Variants in RBFOX1 observed in about 807,000 individuals in gnomAD.
The protein encoded by RBFOX1 is RNA binding protein fox-1 homolog 1.
RBFOX1 carries 8 observed loss-of-function variants against 57.7 expected under a neutral mutation model. The ratio of observed to expected loss-of-function variants is 0.14; its 90% confidence interval spans 0.08 to 0.25. RBFOX1 has a LOEUF of 0.25. Among genes scored for constraint, RBFOX1 ranks in the 10% least tolerant of loss-of-function variants. The probability of loss-of-function intolerance (pLI) is 1.00; values close to 1 mark genes in which losing one functional copy is unlikely to be tolerated. For synonymous variants in RBFOX1, 326 were observed against 222.4 expected (o/e 1.47, Z -4.15); for missense variants, 611 against 548.5 (o/e 1.11, Z -1.14).
At chr16:5,275,111 T>C (rs544444043) in intron 1 of RBFOX1, among the ~76,000 whole-genome samples, 23 of 152,360 alleles carry the variant, frequency 1.5e-4, no homozygotes, top group African/African-American at 5.1e-4. Context: ...CATGTGACAA[T>C]ATCCAGAGAC....
At chr16:5,636,059 A>G (rs1217136545) in intron 3 of RBFOX1, among the ~76,000 whole-genome samples, 1 of 152,150 alleles carries the variant, frequency 6.6e-6, no homozygotes, top group Non-Finnish European at 1.5e-5. Flanking sequence ...AAAAAGAGAA[A>G]AAAAAAAGGC....
chr16:7,287,835 G>A (rs112678764), intron 4 of RBFOX1, among the ~76,000 whole-genome samples: 121 of 152,198 alleles, frequency 8.0e-4, no homozygotes, highest in African/African-American at 2.4e-3. Flanking sequence ...CAATAATTAT[G>A]GATTTGCATA....
Position 7,146,839 on chromosome 16 carries a change from A to C in RBFOX1, c.27+94741A>C, listed in dbSNP as rs551525062. ...GTGGCACATGCCTGTAGTCCCAGCT[A>C]CTTGGGAGGTGGAGGTGGGAGGATC... On this transcript the variant is annotated intron_variant, in intron 4 of 15. Coordinates refer to ENST00000550418, the MANE Select transcript of RBFOX1 (RefSeq NM_018723.4). 2.0e-5 allele frequency among the ~76,000 whole-genome samples: 3 copies of C among 150,224 alleles called. No individual in the cohort carries two copies. The South Asian group carries it at 6.5e-4, about 32-fold the overall frequency.
At chr16:5,690,437 C>T (rs1364670661) in intron 3 of RBFOX1, among the ~76,000 whole-genome samples, 1 of 152,130 alleles carries the variant, frequency 6.6e-6, no homozygotes. Context: ...ACAGGATAGC[C>T]ACTACCTTCC....
At chr16:5,335,311 C>T (rs2064868009) in intron 1 of RBFOX1, among the ~76,000 whole-genome samples, 1 of 152,072 alleles carries the variant, frequency 6.6e-6, no homozygotes, top group African/African-American at 2.4e-5. Flanking sequence ...TTGGATGGAG[C>T]CTGAGGCTTG....
chr16:6,115,494 G>A (rs963236583), intron 1 of RBFOX1, among the ~76,000 whole-genome samples: 5 of 152,170 alleles, frequency 3.3e-5, no homozygotes, highest in Non-Finnish European at 4.4e-5. Context: ...ATATTGGCTG[G>A]CCCAAGGGGT....
intron 3 of RBFOX1, among the ~76,000 whole-genome samples, chr16:6,808,458 C>T (rs1176107880): frequency 3.3e-5 from 5 of 151,964 alleles, no homozygotes; most frequent in African/African-American, 1.2e-4. Flanking sequence ...AGGATCTCAC[C>T]CCTTGCTTCC....
intron 4 of RBFOX1, among the ~76,000 whole-genome samples, chr16:7,190,253 G>C (rs1437455595): frequency 6.6e-6 from 1 of 152,120 alleles, no homozygotes; most frequent in Non-Finnish European, 1.5e-5. Flanking sequence ...CAGCGACTCG[G>C]GAGGCTGAGG....
chr16:5,408,149 T>C (rs1431946511), intron 1 of RBFOX1, among the ~76,000 whole-genome samples: 1 of 152,186 alleles, frequency 6.6e-6, no homozygotes, highest in Non-Finnish European at 1.5e-5. Context: ...GTGGTGCATT[T>C]TCAGCTGCTC....
chr16:7,265,958 G>GTTTTT (rs201372502), intron 4 of RBFOX1, among the ~76,000 whole-genome samples: 4 of 107,598 alleles, frequency 3.7e-5, no homozygotes, highest in African/African-American at 9.2e-5. Flanking sequence ...GATCTGGTGG[G>GTTTTT]TTTTTGTTTT....
chr16:5,473,472 T>C (rs2069208449), intron 2 of RBFOX1, among the ~76,000 whole-genome samples: 1 of 152,178 alleles, frequency 6.6e-6, no homozygotes, highest in Non-Finnish European at 1.5e-5. Flanking sequence ...ACCTCACCTT[T>C]TTATTCCATT....
At chr16:7,192,859 C>T (rs1247035697) in intron 4 of RBFOX1, among the ~76,000 whole-genome samples, 1 of 152,120 alleles carries the variant, frequency 6.6e-6, no homozygotes, top group Non-Finnish European at 1.5e-5. Context: ...AAGATGAAGT[C>T]CGAGGATCAT....
At chr16:5,791,030 G>A (rs1021396439) in intron 3 of RBFOX1, among the ~76,000 whole-genome samples, 6 of 151,950 alleles carry the variant, frequency 3.9e-5, no homozygotes, top group African/African-American at 1.5e-4. Flanking sequence ...CACCACACCT[G>A]GCAAATTTTT....
intron 2 of RBFOX1, among the ~76,000 whole-genome samples, chr16:5,592,640 A>G (rs551803686): frequency 7.2e-5 from 11 of 152,180 alleles, no homozygotes; most frequent in East Asian, 1.9e-4. Context: ...ATAAAAATCT[A>G]TTTTATTATG....
chr16:5,355,255 A>G (rs1175015333), intron 1 of RBFOX1, among the ~76,000 whole-genome samples: 2 of 152,170 alleles, frequency 1.3e-5, no homozygotes, highest in Non-Finnish European at 2.9e-5. Context: ...GGCAGATGGC[A>G]CACTTAGAGC....
intron 6 of RBFOX1, 24 bp downstream of exon 6, chr16:7,579,944 C>A: frequency 6.2e-7 from 1 of 1,612,036 alleles, no homozygotes; most frequent in African/African-American, 1.3e-5. Context: ...TTCTTCCCAG[C>A]AGTGCCCGCT....
chr16:6,928,831 A>AC (rs2076057922), intron 3 of RBFOX1, among the ~76,000 whole-genome samples: 1 of 152,170 alleles, frequency 6.6e-6, no homozygotes, highest in Non-Finnish European at 1.5e-5. Context: ...TAACACACAC[A>AC]AAAAAATCAG....
chr16:6,054,727 C>G (rs921778642), intron 1 of RBFOX1, among the ~76,000 whole-genome samples: 10 of 152,196 alleles, frequency 6.6e-5, no homozygotes, highest in African/African-American at 2.4e-4. Context: ...CAGATTTGCA[C>G]ACATCTTCAC....
intron 5 of RBFOX1, among the ~76,000 whole-genome samples, chr16:7,561,499 A>G (rs2090360930): frequency 6.6e-6 from 1 of 152,254 alleles, no homozygotes; most frequent in African/African-American, 2.4e-5. Context: ...ACTCCGAAAT[A>G]TCCTGACTAG....
Sources: allele counts gnomAD v4.1 joint callset (sites outside exome capture counted in the v4.1 genomes callset), GRCh38; gene constraint gnomAD v4.1.1; transcripts MANE v1.5; gene names NCBI Gene and HGNC (gene_info 2026-07-23, HGNC 2026-07-21).